Variants in MDGA2 observed in about 807,000 individuals in gnomAD.
MDGA2 encodes the protein MAM domain-containing glycosylphosphatidylinositol anchor protein 2.
A neutral mutation model predicts 117.8 loss-of-function variants in MDGA2; 40 were observed. The ratio of observed to expected loss-of-function variants is 0.34; its 90% CI spans 0.26 to 0.44. MDGA2 has a LOEUF of 0.44. MDGA2 is among the 20% of genes least tolerant of loss of function. The probability of loss-of-function intolerance (pLI) is 1.00; values close to 1 mark genes in which losing one functional copy is unlikely to be tolerated. For synonymous variants in MDGA2, 452 were observed against 439.0 expected, an observed-to-expected ratio of 1.03 and a Z score of -0.37; for missense variants, 1,123 against 1,250.6, an observed-to-expected ratio of 0.90 and a Z score of 1.54.
intron 8 of MDGA2, among the ~76,000 whole-genome samples, chr14:46,958,674 GT>G (rs1175836847): frequency 6.6e-6 from 1 of 152,234 alleles, no homozygotes; most frequent in Non-Finnish European, 1.5e-5. Flanking sequence ...GTAGATTGGT[GT>G]GTGTTGAATG....
At chr14:46,941,398 A>G (rs1008665118) in intron 9 of MDGA2, among the ~76,000 whole-genome samples, 3 of 151,852 alleles carry the variant, frequency 2.0e-5, no homozygotes, top group Non-Finnish European at 4.4e-5. Context: ...ATCTCTCTTG[A>G]TAAAAGATGC....
intron 1 of MDGA2, among the ~76,000 whole-genome samples, chr14:47,661,493 T>G (rs1897844654): frequency 6.6e-6 from 1 of 152,194 alleles, no homozygotes; most frequent in African/African-American, 2.4e-5. Flanking sequence ...TGTTTGTGCA[T>G]GTATTTTAGA....
At chr14:46,971,970 G>A (rs914721999) in intron 8 of MDGA2, among the ~76,000 whole-genome samples, 5 of 152,118 alleles carry the variant, frequency 3.3e-5, no homozygotes, top group Admixed American at 3.3e-4. Context: ...AAAACCTACT[G>A]TATAATAAAC....
rs774870417 is a variant in MDGA2, at chr14:47,074,212, ACT to A, written c.1196-12636_1196-12635del. On this transcript the variant is annotated intron_variant, in intron 6 of 16. Transcript: ENST00000399232. ...TATCTTCTGAAGCTATTTCTTATTT[ACT>A]CTCTTTTTATTTCTCACTCTCAAGA... Among the ~76,000 whole-genome samples, 9 of 151,140 alleles carry A rather than the reference ACT, an allele frequency of 6.0e-5. No homozygotes were observed. In the South Asian group the frequency reaches 1.1e-3, roughly 18 times the overall value.
At chr14:47,367,941 A>C (rs1236648392) in intron 1 of MDGA2, among the ~76,000 whole-genome samples, 2 of 152,220 alleles carry the variant, frequency 1.3e-5, no homozygotes, top group East Asian at 1.9e-4. Context: ...TTTTTCCCTA[A>C]AAATATCAAA....
chr14:47,290,227 G>C (rs192500622), intron 2 of MDGA2, among the ~76,000 whole-genome samples: 1 of 152,028 alleles, frequency 6.6e-6, no homozygotes, highest in Non-Finnish European at 1.5e-5. Context: ...CCTATGGGAG[G>C]TGATTAGGTC....
At chr14:46,872,496 G>T (rs889040826) in intron 14 of MDGA2, among the ~76,000 whole-genome samples, 1 of 151,804 alleles carries the variant, frequency 6.6e-6, no homozygotes, top group Non-Finnish European at 1.5e-5. Flanking sequence ...TATGGGGTTA[G>T]ATATACTTCA....
At chr14:47,108,362 G>A (rs1463894392) in intron 5 of MDGA2, among the ~76,000 whole-genome samples, 10 of 152,208 alleles carry the variant, frequency 6.6e-5, no homozygotes, top group African/African-American at 2.4e-4. Context: ...CCTGTGACTT[G>A]CACGTATACG....
intron 5 of MDGA2, among the ~76,000 whole-genome samples, chr14:47,117,177 T>C (rs1294641211): frequency 2.0e-5 from 3 of 151,998 alleles, no homozygotes; most frequent in African/African-American, 7.2e-5. Flanking sequence ...TTACAAATCA[T>C]AAAGGAAATG....
At chr14:46,894,549 G>A (rs1197673281) in intron 10 of MDGA2, among the ~76,000 whole-genome samples, 1 of 152,096 alleles carries the variant, frequency 6.6e-6, no homozygotes, top group East Asian at 1.9e-4. Context: ...TTTTGATTTT[G>A]TGAGACCTGA....
At chr14:47,442,976 T>A (rs1409946531) in intron 1 of MDGA2, among the ~76,000 whole-genome samples, 3 of 152,146 alleles carry the variant, frequency 2.0e-5, no homozygotes, top group Non-Finnish European at 4.4e-5. Context: ...AGATGGACTG[T>A]CACTGAATTG....
rs1253193540 is a variant in MDGA2 at position 46,864,389 on chromosome 14, AT to A, written c.2752+9043del. On this transcript the variant is annotated intron_variant, in intron 14 of 16. Transcript: ENST00000399232. ...CATTCTAACTTAATTATTTTGCCTT[AT>A]TTTTATGTCTTTACATTTTAGTTCT... Among the ~76,000 whole-genome samples the A allele has an allele frequency of 8.0e-5, 12 of 150,672 alleles. No homozygotes were observed. The East Asian group carries it at 2.3e-3, about 29-fold the overall frequency.
rs531255430 is a variant in MDGA2, at chr14:46,989,143, C to T, written c.1820-31500G>A. On this transcript the variant is annotated intron_variant, in intron 8 of 16. Transcript: ENST00000399232. Reference sequence around the variant, plus strand: ...TATCACTTTTCTTTGTATCTGTCCACACAACTCTGAGTTCTAATACCATTT... The same window carrying T: ...TATCACTTTTCTTTGTATCTGTCCATACAACTCTGAGTTCTAATACCATTT... Among the ~76,000 whole-genome samples, 256 of 152,176 alleles carry T rather than the reference C, an allele frequency of 1.7e-3. 1 individual carries two copies. Among genetic ancestry groups the T allele is most frequent in the Non-Finnish European group, 1.6e-3 (107 of 67,986 alleles).
chr14:47,470,573 C>T (rs1387153030), intron 1 of MDGA2, among the ~76,000 whole-genome samples: 2 of 152,104 alleles, frequency 1.3e-5, no homozygotes, highest in Non-Finnish European at 2.9e-5. Flanking sequence ...CCACAATAAA[C>T]ATATGTGTGC....
intron 1 of MDGA2, among the ~76,000 whole-genome samples, chr14:47,464,808 A>G (rs956722875): frequency 2.6e-5 from 4 of 152,194 alleles, no homozygotes; most frequent in Non-Finnish European, 5.9e-5. Flanking sequence ...GACATTCTTC[A>G]CAGAACTAGA....
intron 3 of MDGA2, among the ~76,000 whole-genome samples, chr14:47,190,467 T>C (rs981832762): frequency 2.0e-5 from 3 of 152,150 alleles, no homozygotes; most frequent in Non-Finnish European, 4.4e-5. Context: ...GGAGGAAATA[T>C]AAAAACAGCA....
At chr14:46,873,783 T>A (rs1487966126) in intron 13 of MDGA2, 192 bp from the exon 14 acceptor site, 2 of 576,756 alleles carry the variant, frequency 3.5e-6, no homozygotes, top group Admixed American at 7.8e-5. Context: ...ATCTACCAAA[T>A]TAAAGATAAA....
intron 1 of MDGA2, among the ~76,000 whole-genome samples, chr14:47,322,407 TTTA>T (rs904905415): frequency 2.7e-4 from 41 of 152,252 alleles, no homozygotes; most frequent in Non-Finnish European, 1.3e-4. Context: ...CATTTCGTGC[TTTA>T]TTATTATTAT....
intron 1 of MDGA2, among the ~76,000 whole-genome samples, chr14:47,613,567 A>G (rs1896894615): frequency 6.6e-6 from 1 of 151,938 alleles, no homozygotes; most frequent in Non-Finnish European, 1.5e-5. Flanking sequence ...CAGAAATATT[A>G]TTTATTGTGA....
Sources: allele counts gnomAD v4.1 joint callset (sites outside exome capture counted in the v4.1 genomes callset), GRCh38; gene constraint gnomAD v4.1.1; transcripts MANE v1.5; gene names NCBI Gene and HGNC (gene_info 2026-07-23, HGNC 2026-07-21).